Variants in DPYD observed in about 807,000 individuals in gnomAD.
DPYD encodes dihydropyrimidine dehydrogenase, also known as dihydropyrimidine dehydrogenase [NADP(+)].
DPYD carries 109 observed loss-of-function variants against 116.2 expected under a neutral mutation model. The ratio of observed to expected loss-of-function variants is 0.94; its 90% confidence interval spans 0.80 to 1.10. The LOEUF is 1.10. Ranked by LOEUF, DPYD falls within the 50% of genes least tolerant of loss-of-function variation. DPYD has a pLI of 0.00. For synonymous variants in DPYD, 440 were observed against 432.0 expected (o/e 1.02, Z -0.23); for missense variants, 1,302 against 1,254.5 (o/e 1.04, Z -0.57).
chr1:97,827,831 T>C lies in DPYD; in HGVS notation c.233+283A>G, dbSNP rs967292887. ...ACAGGCAGAATTTAGATGAACAATA[T>C]TTTCATTCAATCACACAGTTTAGTA... On this transcript the variant is annotated intron_variant, in intron 3 of 22. Transcript: ENST00000370192. Among the ~76,000 whole-genome samples, 3 of 152,148 alleles carry C rather than the reference T, an allele frequency of 2.0e-5. No individual in the cohort carries two copies. The South Asian group carries it at 6.2e-4, about 31-fold the overall frequency.
intron 2 of DPYD, among the ~76,000 whole-genome samples, chr1:97,874,922 C>T (rs890862358): frequency 1.3e-5 from 2 of 151,838 alleles, no homozygotes; most frequent in Non-Finnish European, 2.9e-5. Context: ...TACAAACTTT[C>T]TTATCAGATT....
At chr1:97,575,479 T>A (rs973996697) in intron 10 of DPYD, among the ~76,000 whole-genome samples, 1 of 152,192 alleles carries the variant, frequency 6.6e-6, no homozygotes. Flanking sequence ...CACTGATCTA[T>A]ACTATACATT....
intron 19 of DPYD, among the ~76,000 whole-genome samples, chr1:97,224,720 C>CTT (rs79245859): frequency 2.1e-5 from 3 of 144,660 alleles, no homozygotes; most frequent in Admixed American, 7.0e-5. Context: ...AAGTAGTCAA[C>CTT]TTTTTTTTTT....
chr1:97,233,992 T>C (rs1661744462), intron 19 of DPYD, among the ~76,000 whole-genome samples: 1 of 152,212 alleles, frequency 6.6e-6, no homozygotes, highest in African/African-American at 2.4e-5. Context: ...GTTAGCAACA[T>C]GAACTATTTA....
At chr1:97,334,650 C>T (rs1217463662) in intron 16 of DPYD, among the ~76,000 whole-genome samples, 1 of 152,166 alleles carries the variant, frequency 6.6e-6, no homozygotes, top group Non-Finnish European at 1.5e-5. Flanking sequence ...GGCTTTGGAT[C>T]AACTAAGCCT....
At chr1:97,196,443 A>G (rs1658818381) in intron 19 of DPYD, among the ~76,000 whole-genome samples, 1 of 152,054 alleles carries the variant, frequency 6.6e-6, no homozygotes, top group African/African-American at 2.4e-5. Context: ...AAGAATGAAA[A>G]TAATTATGTT....
chr1:97,204,143 T>C (rs556713279), intron 19 of DPYD, among the ~76,000 whole-genome samples: 1 of 152,226 alleles, frequency 6.6e-6, no homozygotes, highest in East Asian at 1.9e-4. Flanking sequence ...ACGGTGCATA[T>C]TTATGGGAGG....
At chr1:97,479,220 C>T (rs1234915472) in intron 13 of DPYD, among the ~76,000 whole-genome samples, 3 of 152,144 alleles carry the variant, frequency 2.0e-5, no homozygotes, top group Admixed American at 6.5e-5. Flanking sequence ...GATTTCAGCC[C>T]ATATCGGTTT....
At chr1:97,277,145 G>A (rs557776263) in intron 18 of DPYD, among the ~76,000 whole-genome samples, 1 of 152,192 alleles carries the variant, frequency 6.6e-6, no homozygotes, top group African/African-American at 2.4e-5. Context: ...TTATAAGTGG[G>A]AGCTAAACAC....
intron 3 of DPYD, among the ~76,000 whole-genome samples, chr1:97,744,449 AT>A (rs1664436869): frequency 6.8e-6 from 1 of 146,220 alleles, no homozygotes; most frequent in Non-Finnish European, 1.5e-5. Flanking sequence ...CAGATAAAAA[AT>A]AATAATAAAA....
intron 18 of DPYD, among the ~76,000 whole-genome samples, chr1:97,277,492 T>C (rs1194971883): frequency 1.3e-5 from 2 of 152,196 alleles, no homozygotes; most frequent in Non-Finnish European, 2.9e-5. Flanking sequence ...CATAAAGCTG[T>C]TCTCCAGAGT....
At position 97,306,114 on chromosome 1, in the gene DPYD, A is replaced by G. The variant is rs953794368; in HGVS notation, c.2179+63T>C. ...TTTGTAGGAAAAGACATACTTGAGT[A>G]TGGCTACATAATGTGGGCCAATATT... On this transcript the variant is annotated intron_variant, in intron 17 of 22. Coordinates refer to ENST00000370192, the MANE Select transcript of DPYD (RefSeq NM_000110.4). 20 of 1,608,840 alleles carry G rather than the reference A, an allele frequency of 1.2e-5. No individual in the cohort carries two copies. The Admixed American group carries it at 3.2e-4, about 26-fold the overall frequency.
At chr1:97,877,579 T>C (rs1671989909) in intron 2 of DPYD, among the ~76,000 whole-genome samples, 1 of 152,054 alleles carries the variant, frequency 6.6e-6, no homozygotes, top group Non-Finnish European at 1.5e-5. Flanking sequence ...GAATCTGTTT[T>C]TATTTTTTTA....
At chr1:97,647,073 C>T (rs1012638826) in intron 8 of DPYD, among the ~76,000 whole-genome samples, 2 of 151,972 alleles carry the variant, frequency 1.3e-5, no homozygotes, top group African/African-American at 4.8e-5. Context: ...GTAGTTATTG[C>T]CTGATTTCAT....
chr1:97,155,961 G>C (rs991518803), intron 20 of DPYD, among the ~76,000 whole-genome samples: 1 of 151,362 alleles, frequency 6.6e-6, no homozygotes, highest in Admixed American at 6.6e-5. Flanking sequence ...TTCCATAGCT[G>C]TGGAGTTGGG....
chr1:97,306,828 T>C (rs940065432), intron 16 of DPYD, among the ~76,000 whole-genome samples: 2 of 151,972 alleles, frequency 1.3e-5, no homozygotes, highest in Non-Finnish European at 1.5e-5. Flanking sequence ...TATGCAAATA[T>C]GGAATAATTC....
At chr1:97,343,201 A>G (rs564279122) in intron 16 of DPYD, among the ~76,000 whole-genome samples, 60 of 152,254 alleles carry the variant, frequency 3.9e-4, no homozygotes, top group African/African-American at 1.4e-3. Context: ...TGTGGCAACT[A>G]CCATTTACAG....
At chr1:97,430,721 T>A (rs2225882) in intron 14 of DPYD, among the ~76,000 whole-genome samples, 8 of 152,210 alleles carry the variant, frequency 5.3e-5, no homozygotes, top group Non-Finnish European at 1.0e-4. Context: ...GTCTGGTTAG[T>A]AAGCAGAGTC....
chr1:97,285,674 G>T (rs1314733821), intron 18 of DPYD, among the ~76,000 whole-genome samples: 13 of 135,412 alleles, frequency 9.6e-5, no homozygotes, highest in East Asian at 2.3e-4. Context: ...ACTTTTTATT[G>T]TTCCTTTAAT....
Sources: gnomAD v4.1 joint callset for allele counts (sites outside exome capture counted in the v4.1 genomes callset) on GRCh38, gnomAD v4.1.1 for gene constraint, MANE v1.5 for transcripts, NCBI Gene and HGNC (gene_info 2026-07-23, HGNC 2026-07-21) for gene names.